The following DNAI3 variants were observed in gnomAD, a reference collection of about 807,000 sequenced individuals.
DNAI3 encodes dynein axonemal intermediate chain 3.
A neutral mutation model predicts 115.5 loss-of-function variants in DNAI3; 83 were observed. That is an observed-to-expected ratio of 0.72 (90% CI 0.60 to 0.86). The LOEUF is 0.86. Among genes scored for constraint, DNAI3 ranks in the 40% least tolerant of loss-of-function variants. DNAI3 has a pLI of 0.00. For synonymous variants in DNAI3, 320 were observed against 347.0 expected, an observed-to-expected ratio of 0.92 and a Z score of 0.86; for missense variants, 1,004 against 1,075.8, an observed-to-expected ratio of 0.93 and a Z score of 0.93.
chr1:85,117,823 A>G lies in DNAI3; in HGVS notation c.1881A>G (p.Ile627Met). 3.1e-6 allele frequency: 5 copies of G among 1,613,822 alleles called. No homozygotes were observed. The highest frequency in any genetic ancestry group is 1.7e-4 in the Middle Eastern group (1 of 6,060). The change falls in exon 17 of 23, where the codon ATA becomes ATG. Residue 627 changes from isoleucine to methionine, a missense_variant. By Grantham distance (10) the Ile-to-Met change is conservative. Transcript: ENST00000294664. ...GGATGGCCAATCTTCTCAAGCCAAT[A>G]GATGACTTCTGCACAAAGTTCTTTG... ...ESGMANLLKP[I>M]DDFCTKFFVG...
intron 8 of DNAI3, 29 bp downstream of exon 8, chr1:85,090,261 A>G (rs1182235682): frequency 3.1e-5 from 40 of 1,272,560 alleles, no homozygotes; most frequent in Non-Finnish European, 4.3e-5. Context: ...AATTTTAAAA[A>G]TAAAACATAA....
chr1:85,094,764 T>C (rs999011563), intron 10 of DNAI3, among the ~76,000 whole-genome samples: 8 of 152,226 alleles, frequency 5.3e-5, no homozygotes, highest in African/African-American at 7.2e-5. Context: ...CAACATGCTA[T>C]TTTTTTCAAA....
At chr1:85,105,460 T>C (rs995884685) in intron 14 of DNAI3, among the ~76,000 whole-genome samples, 3 of 137,840 alleles carry the variant, frequency 2.2e-5, no homozygotes, top group Admixed American at 8.1e-5. Flanking sequence ...TATTTACAGA[T>C]AGAAAATATG....
chr1:85,115,859 C>T (rs538094117), intron 16 of DNAI3, among the ~76,000 whole-genome samples: 32 of 152,322 alleles, frequency 2.1e-4, no homozygotes, highest in Admixed American at 1.0e-3. Flanking sequence ...AATGCTCTTT[C>T]GCCCACCTGC....
At chr1:85,075,263 T>C (rs1654413982) in intron 3 of DNAI3, among the ~76,000 whole-genome samples, 1 of 152,194 alleles carries the variant, frequency 6.6e-6, no homozygotes, top group African/African-American at 2.4e-5. Context: ...ACCCTGGCAC[T>C]AGCATCATGC....
chr1:85,093,448 TACAAA>T lies in DNAI3; in HGVS notation c.858-9_858-5del. On this transcript the variant is annotated splice_polypyrimidine_tract_variant and splice_region_variant and intron_variant, in intron 8 of 22. Coordinates refer to ENST00000294664, the MANE Select transcript of DNAI3 (RefSeq NM_145172.5). Reference sequence around the variant, plus strand: ...ATATCTTAATTGCTTTTTTTATTTTTACAAATTAGTGTTGAAATAGCCCTGCAGCA... The same window carrying T: ...ATATCTTAATTGCTTTTTTTATTTTTTTAGTGTTGAAATAGCCCTGCAGCA... 1.2e-6 allele frequency: 2 copies of T among 1,610,928 alleles called. No homozygotes were observed. Among genetic ancestry groups the T allele is most frequent in the Admixed American group, 3.4e-5 (2 of 59,396 alleles).
chr1:85,104,465 TA>T (rs1655426684), intron 13 of DNAI3, 58 bp from the exon 14 acceptor site: 1 of 1,420,516 alleles, frequency 7.0e-7, no homozygotes, highest in Non-Finnish European at 9.8e-7. Context: ...GAAAAGAATT[TA>T]AAAGGTAAAT....
rs560369067 is a variant in DNAI3 at position 85,093,059 on chromosome 1, C to A, written c.858-399C>A. Among the ~76,000 whole-genome samples, 15 of 152,208 alleles carry A rather than the reference C, an allele frequency of 9.9e-5. No individual in the cohort carries two copies. In the South Asian group the frequency reaches 3.1e-3, roughly 32 times the overall value. On this transcript the variant is annotated intron_variant, in intron 8 of 22. Transcript: ENST00000294664. ...CTGTGAAAAATAAAGGAGGAGGAGA[C>A]AGGACCGGGAAGGTAGAGCATCAGA...
At chr1:85,123,120 C>G (rs1326310298) in intron 18 of DNAI3, among the ~76,000 whole-genome samples, 1 of 152,204 alleles carries the variant, frequency 6.6e-6, no homozygotes, top group African/African-American at 2.4e-5. Flanking sequence ...CAAGTTGTCT[C>G]CAAGTCCTGT....
At chr1:85,123,986 C>A in intron 18 of DNAI3, 135 bp from the exon 19 acceptor site, 1 of 1,078,420 alleles carries the variant, frequency 9.3e-7, no homozygotes, top group Non-Finnish European at 1.3e-6. Flanking sequence ...CTATTCATCC[C>A]AGCTAGCCTC....
chr1:85,088,612 C>T (rs1654866339), intron 7 of DNAI3, among the ~76,000 whole-genome samples: 1 of 152,124 alleles, frequency 6.6e-6, no homozygotes, highest in Admixed American at 6.5e-5. Context: ...CAATTCAATC[C>T]TCACAAGTGC....
chr1:85,127,733 C>A (rs758496191), intron 20 of DNAI3, among the ~76,000 whole-genome samples: 1 of 152,104 alleles, frequency 6.6e-6, no homozygotes, highest in Non-Finnish European at 1.5e-5. Flanking sequence ...TTGCTTTGTA[C>A]GCCTACAGGG....
chr1:85,073,276 T>C (rs1347094059), intron 3 of DNAI3, among the ~76,000 whole-genome samples, 184 bp downstream of exon 3: 1 of 152,134 alleles, frequency 6.6e-6, no homozygotes, highest in Non-Finnish European at 1.5e-5. Flanking sequence ...GTAGAGAATT[T>C]CAAACTGAGA....
rs141943335 is a variant in DNAI3 at position 85,093,605 on chromosome 1, G to A, written c.1005G>A (p.Thr335=). Residue 335 remains threonine (T), a synonymous_variant, in exon 9 of 23, where the codon ACG becomes ACA. Transcript: ENST00000294664. ...YQSFTDLHSP[T]EKMITCVSWH... ...CCTTTACCGACCTTCATAGCCCAACGGAGAAAATGATTACCTGTGTCTCAT... is the reference window on the plus strand; with the variant it reads ...CCTTTACCGACCTTCATAGCCCAACAGAGAAAATGATTACCTGTGTCTCAT... 89 of 1,614,008 alleles carry A rather than the reference G, an allele frequency of 5.5e-5. No individual in the cohort carries two copies. The African/African-American group carries it at 8.8e-4, about 16-fold the overall frequency.
At chr1:85,101,907 A>AAAT (rs1370806379) in intron 13 of DNAI3, among the ~76,000 whole-genome samples, 2 of 151,998 alleles carry the variant, frequency 1.3e-5, no homozygotes, top group African/African-American at 4.8e-5. Context: ...CTAAATTAAG[A>AAAT]AATAATGAGA....
chr1:85,081,708 C>T (rs1423498364), intron 4 of DNAI3, among the ~76,000 whole-genome samples: 3 of 152,248 alleles, frequency 2.0e-5, no homozygotes, highest in South Asian at 2.1e-4. Flanking sequence ...AGGCTAGAGA[C>T]GCAATCATGG....
chr1:85,096,775 A>G (rs1305456809), intron 11 of DNAI3, among the ~76,000 whole-genome samples: 1 of 152,058 alleles, frequency 6.6e-6, no homozygotes, highest in Non-Finnish European at 1.5e-5. Context: ...TGCAGCTTCC[A>G]TGTCCATTTA....
At chr1:85,125,880 G>A (rs1281670641) in intron 19 of DNAI3, among the ~76,000 whole-genome samples, 4 of 152,192 alleles carry the variant, frequency 2.6e-5, no homozygotes, top group Non-Finnish European at 4.4e-5. Flanking sequence ...TCTTACTTTT[G>A]AAAACCTCCC....
At chr1:85,080,817 A>G (rs1654614857) in intron 3 of DNAI3, among the ~76,000 whole-genome samples, 1 of 152,250 alleles carries the variant, frequency 6.6e-6, no homozygotes. Context: ...AATGCTTACC[A>G]ATACGAGAAT....
Sources: allele counts gnomAD v4.1 joint callset (sites outside exome capture counted in the v4.1 genomes callset), GRCh38; gene constraint gnomAD v4.1.1; transcripts MANE v1.5; gene names NCBI Gene and HGNC (gene_info 2026-07-23, HGNC 2026-07-21).